Variants in SPECC1 observed in about 807,000 individuals in gnomAD.
SPECC1 encodes the protein cytospin-B.
A neutral mutation model predicts 104.1 loss-of-function variants in SPECC1; 62 were observed. The observed-to-expected ratio is 0.60, with a 90% confidence interval of 0.49 to 0.74. The LOEUF is 0.74. SPECC1 is among the 30% of genes least tolerant of loss of function. The probability of loss-of-function intolerance (pLI) is 0.00; values close to 1 mark genes in which losing one functional copy is unlikely to be tolerated. For synonymous variants in SPECC1, 513 were observed against 501.6 expected (o/e 1.02, Z -0.30); for missense variants, 1,306 against 1,310.5 (o/e 1.00, Z 0.05).
At position 20,245,921 on chromosome 17, in the gene SPECC1, T is replaced by TGC; in HGVS notation, c.2352-4_2352-3dup. On this transcript the variant is annotated splice_region_variant and splice_polypyrimidine_tract_variant and intron_variant, in intron 7 of 14. Transcript: ENST00000395527. Reference sequence around the variant, plus strand: ...TTTCAATCTGATTTGCTCTTTGCCATGCAGACCTGTGGATGAAGAGCCAGA... The same window carrying TGC: ...TTTCAATCTGATTTGCTCTTTGCCATGCGCAGACCTGTGGATGAAGAGCCAGA... 6.2e-7 allele frequency: 1 copy of TGC among 1,614,140 alleles called. No individual in the cohort carries two copies. The highest frequency in any genetic ancestry group is 8.5e-7 in the Non-Finnish European group (1 of 1,180,008).
intron 13 of SPECC1, among the ~76,000 whole-genome samples, chr17:20,300,196 T>A (rs2041521004): frequency 6.6e-6 from 1 of 152,118 alleles, no homozygotes; most frequent in African/African-American, 2.4e-5. Flanking sequence ...GGAACACACC[T>A]GGGAACCCCA....
At chr17:20,097,726 G>T (rs912812663) in intron 2 of SPECC1, among the ~76,000 whole-genome samples, 1 of 152,194 alleles carries the variant, frequency 6.6e-6, no homozygotes, top group Non-Finnish European at 1.5e-5. Flanking sequence ...TTAGAGCTAG[G>T]CAAGGGGCAC....
At chr17:20,281,049 G>A (rs77763041) in intron 12 of SPECC1, among the ~76,000 whole-genome samples, 6,281 of 152,206 alleles carry the variant, frequency 0.041, 157 homozygotes, top group Middle Eastern at 0.065. Flanking sequence ...TTAGAGCATC[G>A]GACATTCTCG....
rs561726685 is a variant in SPECC1 at position 20,145,155 on chromosome 17, G to C, written c.283+34593G>C. On this transcript the variant is annotated intron_variant, in intron 3 of 14. Coordinates refer to ENST00000395527, the MANE Select transcript of SPECC1 (RefSeq NM_001243439.2). ...CTTCTACTGGAGACAAAGTGGTTTAGTGTAGGAAGAACGAGTGCTTCAGTG... is the reference window on the plus strand; with the variant it reads ...CTTCTACTGGAGACAAAGTGGTTTACTGTAGGAAGAACGAGTGCTTCAGTG... 2.2e-4 allele frequency among the ~76,000 whole-genome samples: 34 copies of C among 152,332 alleles called. 1 individual carries two copies. In the South Asian group the frequency reaches 6.8e-3, roughly 31 times the overall value.
intron 7 of SPECC1, among the ~76,000 whole-genome samples, chr17:20,244,670 A>G (rs1429515391): frequency 6.6e-6 from 1 of 152,186 alleles, no homozygotes; most frequent in Non-Finnish European, 1.5e-5. Flanking sequence ...TAGTAGCTAG[A>G]TTAATTTGAA....
intron 1 of SPECC1, among the ~76,000 whole-genome samples, chr17:20,088,015 G>A (rs771820200): frequency 6.6e-6 from 1 of 152,122 alleles, no homozygotes; most frequent in Non-Finnish European, 1.5e-5. Context: ...CTCTTCCTTG[G>A]GAACTAGCTG....
At chr17:20,116,411 CT>C (rs2048758400) in intron 3 of SPECC1, among the ~76,000 whole-genome samples, 2 of 151,948 alleles carry the variant, frequency 1.3e-5, no homozygotes, top group South Asian at 4.2e-4. Flanking sequence ...TTACCAGTGA[CT>C]AGAAAAGATA....
At position 20,204,887 on chromosome 17, in the gene SPECC1, A is replaced by T. The variant is rs1488403311; in HGVS notation, c.838A>T (p.Thr280Ser). The T allele has an allele frequency of 1.9e-6, 3 of 1,613,908 alleles. No individual in the cohort carries two copies. Among genetic ancestry groups the T allele is most frequent in the Non-Finnish European group, 2.5e-6 (3 of 1,180,014 alleles). The change falls in exon 4 of 15, where the codon ACT becomes TCT. Residue 280 changes from threonine to serine, a missense_variant. By Grantham distance (58) the Thr-to-Ser change is moderately conservative. Around this residue, in one of 2 missense-constraint regions of SPECC1, gnomAD observed 1,177 missense variants for 1,139.9 expected, o/e 1.03. Transcript: ENST00000395527. ...TGDSSCPTSI[T>S]QESSFGSPTG... The stretch of plus-strand genomic sequence containing the variant: ...CGACAGCAGCTGCCCAACATCCATA[A>T]CTCAAGAGTCAAGCTTCGGAAGCCC...
chr17:20,180,407 G>T (rs1465081091), intron 3 of SPECC1, among the ~76,000 whole-genome samples: 1 of 152,100 alleles, frequency 6.6e-6, no homozygotes, highest in Non-Finnish European at 1.5e-5. Flanking sequence ...ACTATATATT[G>T]GTAGAAACCA....
At chr17:20,183,599 T>G (rs2035058388) in intron 3 of SPECC1, among the ~76,000 whole-genome samples, 1 of 152,190 alleles carries the variant, frequency 6.6e-6, no homozygotes, top group African/African-American at 2.4e-5. Flanking sequence ...TGCTATAAAA[T>G]GGCATAGTAT....
At chr17:20,087,568 C>G (rs1197649183) in intron 1 of SPECC1, among the ~76,000 whole-genome samples, 1 of 152,180 alleles carries the variant, frequency 6.6e-6, no homozygotes, top group Non-Finnish European at 1.5e-5. Flanking sequence ...GACTGTGTAC[C>G]TTTGTAGAAG....
chr17:20,310,443 G>A (rs1366369032), intron 14 of SPECC1, among the ~76,000 whole-genome samples: 1 of 152,120 alleles, frequency 6.6e-6, no homozygotes, highest in African/African-American at 2.4e-5. Context: ...GTGAGATGAT[G>A]AGATCTTTAA....
In SPECC1 at chr17:20,232,285, A is replaced by G. The variant is rs777931964; in HGVS notation, c.2231A>G (p.Gln744Arg). ...VANDIKCEAQ[Q>R]ELRTVKRKLL... ...AATGACATCAAGTGTGAGGCCCAGC[A>G]GGAGCTGCGCACCGTGAAGAGGAAA... Residue 744 changes from glutamine (Q) to arginine (R), a missense_variant, in exon 7 of 15, where the codon CAG (glutamine) becomes CGG (arginine). By Grantham distance (43) the Gln-to-Arg change is conservative. Coordinates refer to ENST00000395527, the MANE Select transcript of SPECC1 (RefSeq NM_001243439.2). The G allele has an allele frequency of 4.3e-6, 7 of 1,614,122 alleles. No homozygotes were observed. The highest frequency in any genetic ancestry group is 4.0e-5 in the African/African-American group (3 of 74,946).
At chr17:20,154,843 A>G (rs763697967) in intron 3 of SPECC1, among the ~76,000 whole-genome samples, 2 of 152,140 alleles carry the variant, frequency 1.3e-5, no homozygotes, top group Non-Finnish European at 2.9e-5. Flanking sequence ...AGGGCTATTT[A>G]TGATACACAT....
intron 3 of SPECC1, among the ~76,000 whole-genome samples, chr17:20,188,198 G>C (rs542819849): frequency 6.6e-6 from 1 of 151,986 alleles, no homozygotes; most frequent in East Asian, 1.9e-4. Flanking sequence ...TATGATTTCT[G>C]TTTCTTCCAG....
At chr17:20,041,980 GCT>G (rs1451613502) in intron 1 of SPECC1, among the ~76,000 whole-genome samples, 2 of 152,104 alleles carry the variant, frequency 1.3e-5, no homozygotes, top group African/African-American at 2.4e-5. Context: ...TAATATCTGT[GCT>G]CTCTTAGTGC....
chr17:20,051,066 CTTTTTCTTTCTTTCTT>C (rs1303608386), intron 1 of SPECC1, among the ~76,000 whole-genome samples: 2 of 120,032 alleles, frequency 1.7e-5, no homozygotes, highest in African/African-American at 5.9e-5. Flanking sequence ...TTCTTTCTTT[CTTTTTCTTTCTTTCTT>C]TCTTTCTTTC....
chr17:20,310,563 A>G (rs879882032), intron 14 of SPECC1, among the ~76,000 whole-genome samples: 2 of 152,240 alleles, frequency 1.3e-5, no homozygotes, highest in African/African-American at 4.8e-5. Context: ...ACTCCCCAGA[A>G]AAGGAATTAG....
chr17:20,242,286 TAGAG>T (rs1039071750), intron 7 of SPECC1, among the ~76,000 whole-genome samples: 10 of 152,158 alleles, frequency 6.6e-5, no homozygotes, highest in Admixed American at 5.9e-4. Context: ...AGCAGCAAAT[TAGAG>T]AGGTTAAATA....
Sources: allele counts gnomAD v4.1 joint callset (sites outside exome capture counted in the v4.1 genomes callset), GRCh38; gene constraint gnomAD v4.1.1; regional missense constraint gnomAD v4.1.1; transcripts MANE v1.5; gene names NCBI Gene and HGNC (gene_info 2026-07-23, HGNC 2026-07-21).